Variants in MLC1 observed in about 807,000 individuals in gnomAD.
MLC1 encodes membrane protein MLC1.
A neutral mutation model predicts 44.7 loss-of-function variants in MLC1; 32 were observed. The ratio of observed to expected loss-of-function variants is 0.72; its 90% CI spans 0.54 to 0.96. The LOEUF is 0.96. MLC1 is among the 40% of genes least tolerant of loss of function. The pLI is 0.00. For missense variants in MLC1, 459 were observed against 492.2 expected (o/e 0.93, Z 0.64); for synonymous variants, 190 against 213.0 (o/e 0.89, Z 0.94).
chr22:50,078,765 A>G (rs947251106), intron 5 of MLC1, among the ~76,000 whole-genome samples: 1 of 151,910 alleles, frequency 6.6e-6, no homozygotes, highest in East Asian at 1.9e-4. Flanking sequence ...CAGATCAAAA[A>G]GACAAAAGCA....
At position 50,068,569 on chromosome 22, in the gene MLC1, G is replaced by A. The variant is rs370441362; in HGVS notation, c.772-14C>T. The A allele has an allele frequency of 2.2e-4, 362 of 1,612,530 alleles. No individual in the cohort carries two copies. The African/African-American group carries it at 3.3e-3, about 15-fold the overall frequency. ...CAGGACCTCCACCTGGAAAAAAAGC[G>A]CGGGTTGCAGGACCACGGCCGGAGC... is the stretch of plus-strand genomic sequence containing the variant. On this transcript the variant is annotated splice_polypyrimidine_tract_variant and intron_variant, in intron 9 of 11. Transcript: ENST00000311597.
intron 5 of MLC1, 123 bp from the exon 6 acceptor site, chr22:50,077,625 C>T (rs886488230): frequency 2.6e-6 from 2 of 778,176 alleles, no homozygotes; most frequent in Non-Finnish European, 4.4e-6. Flanking sequence ...CCCCACTTTT[C>T]CCATCCAGGG....
chr22:50,063,653 G>T (rs972143729), intron 11 of MLC1, among the ~76,000 whole-genome samples: 1 of 125,280 alleles, frequency 8.0e-6, no homozygotes, highest in Admixed American at 7.8e-5. Context: ...GGGTGCTCCT[G>T]TGGGCCACTC....
chr22:50,070,249 T>C (rs1694389863), intron 9 of MLC1, among the ~76,000 whole-genome samples: 1 of 152,168 alleles, frequency 6.6e-6, no homozygotes, highest in African/African-American at 2.4e-5. Flanking sequence ...GTGCAGATGA[T>C]GCTCAGACAC....
At chr22:50,081,722 C>T (rs1215776612) in intron 3 of MLC1, among the ~76,000 whole-genome samples, 1 of 152,262 alleles carries the variant, frequency 6.6e-6, no homozygotes, top group Non-Finnish European at 1.5e-5. Context: ...AGGGCCAGGA[C>T]AGCCAGGCTC....
At chr22:50,077,375 C>T in intron 6 of MLC1, 26 bp downstream of exon 6, 1 of 1,602,540 alleles carries the variant, frequency 6.2e-7, no homozygotes. Context: ...CACCCCCTGC[C>T]CTGCGGGGTC....
intron 8 of MLC1, among the ~76,000 whole-genome samples, chr22:50,073,310 G>A (rs958892195): frequency 6.6e-6 from 1 of 152,230 alleles, no homozygotes; most frequent in Non-Finnish European, 1.5e-5. Context: ...GGGGCTGGCC[G>A]TCAACACCGG....
rs1314729155 is a variant in MLC1, at chr22:50,083,165, G to A, written c.186C>T (p.Leu62=). ...ACAGCGAAAACCCCGAGGTCACCAG[G>A]AGGCAGCTCTGCAAGACAGCGACAG... ...WVFSVLMGSC[L]LVTSGFSLYL... The change falls in exon 3 of 12, where the codon CTC becomes CTT. Residue 62 remains leucine (L), a synonymous_variant. Transcript: ENST00000311597. This position sits in a 1 kb window ranked among gnomAD's most constrained non-coding sequence, Gnocchi z 4.6. The A allele has an allele frequency of 3.1e-6, 5 of 1,613,930 alleles. No homozygotes were observed. In the South Asian group the frequency reaches 4.4e-5, roughly 14 times the overall value.
intron 1 of MLC1, 27 bp from the exon 2 acceptor site, chr22:50,084,988 G>A (rs11568171): frequency 0.095 from 148,930 of 1,569,394 alleles, 7,644 homozygotes; most frequent in South Asian, 0.17. Flanking sequence ...ATCGGCTTTG[G>A]CCACTCTGAG....
In MLC1 at chr22:50,074,365, G is replaced by A. The variant is rs759497780; in HGVS notation, c.598-33C>T. 4.0e-5 allele frequency: 62 copies of A among 1,560,584 alleles called. 1 individual carries two copies. The South Asian group carries it at 6.7e-4, about 17-fold the overall frequency. The stretch of plus-strand genomic sequence containing the variant: ...GGACAGGACAGCATCGGCTCATAAG[G>A]AAGTGGAGACACCCCCAGATTCCCA... On this transcript the variant is annotated intron_variant, in intron 7 of 11. Transcript: ENST00000311597.
intron 4 of MLC1, 46 bp from the exon 5 acceptor site, chr22:50,080,065 G>A (rs781673046): frequency 6.9e-7 from 1 of 1,454,820 alleles, no homozygotes; most frequent in South Asian, 1.1e-5. Flanking sequence ...AATAATAAAA[G>A]AAAAAAGGTA....
At chr22:50,077,013 C>T (rs1482085050) in intron 6 of MLC1, 101 bp from the exon 7 acceptor site, 47 of 1,261,546 alleles carry the variant, frequency 3.7e-5, no homozygotes, top group Non-Finnish European at 5.2e-5. Context: ...GTCAGCCTGC[C>T]GTGTAGATGC....
rs1320717751 is a variant in MLC1, at chr22:50,060,220, A to C, written c.*1363T>G. On this transcript the variant is annotated 3_prime_UTR_variant, in exon 12 of 12. Coordinates refer to ENST00000311597, the MANE Select transcript of MLC1 (RefSeq NM_015166.4). ...AAACACCTGCTGGAAAGTAATTATC[A>C]AAGTAACAGCATTCCAGTTTCACAG... 1 of 152,404 alleles carries C rather than the reference A, an allele frequency of 6.6e-6. No individual in the cohort carries two copies. The highest frequency in any genetic ancestry group is 2.4e-5 in the African/African-American group (1 of 41,466). 9.4% of individuals were successfully genotyped at this position (152,404 alleles called of 1,614,324 possible). A position where few individuals can be genotyped will look rare whatever the true frequency, so the allele number is the denominator to read the frequency against.
chr22:50,066,856 A>C (rs1302034942), intron 10 of MLC1, among the ~76,000 whole-genome samples: 1 of 147,000 alleles, frequency 6.8e-6, no homozygotes, highest in African/African-American at 2.5e-5. Flanking sequence ...AAAAAATACC[A>C]TTTTAAAAAG....
intron 5 of MLC1, among the ~76,000 whole-genome samples, chr22:50,079,311 GCAGTGTGGGTGTTCC>G (rs890355551): frequency 6.8e-6 from 1 of 146,448 alleles, no homozygotes; most frequent in African/African-American, 2.5e-5. Flanking sequence ...AAACAAAAAG[GCAGTGTGGGTGTTCC>G]CACTGGGTCC....
In MLC1 at chr22:50,084,874, A is replaced by T. The variant is rs1397370510; in HGVS notation, c.29T>A (p.Leu10Gln). ...CAGCGTGGGCATCCGGTCATAGGCC[A>T]GCTCCTCTCTGAATGGCTCCTGGGT... MTQEPFREE[L>Q]AYDRMPTLER... Residue 10 changes from leucine to glutamine, a missense_variant, in exon 2 of 12, where the codon CTG (leucine) becomes CAG (glutamine). Leu to Gln is a moderately radical substitution (Grantham distance 113, BLOSUM62 -2). Coordinates refer to ENST00000311597, the MANE Select transcript of MLC1 (RefSeq NM_015166.4). 1 of 1,613,070 alleles carries T rather than the reference A, an allele frequency of 6.2e-7. No individual in the cohort carries two copies. The highest frequency in any genetic ancestry group is 1.1e-5 in the South Asian group (1 of 91,080).
intron 10 of MLC1, among the ~76,000 whole-genome samples, chr22:50,067,732 TCAGA>T (rs1428108696): frequency 1.9e-5 from 2 of 105,746 alleles, no homozygotes; most frequent in African/African-American, 7.0e-5. Context: ...CATCCATCCA[TCAGA>T]CAGTGACTCC....
chr22:50,066,181 A>G (rs1271476265), intron 10 of MLC1, among the ~76,000 whole-genome samples: 1 of 151,656 alleles, frequency 6.6e-6, no homozygotes, highest in Non-Finnish European at 1.5e-5. Flanking sequence ...CTGAAAAATA[A>G]AATAAGTAAA....
Position 50,080,416 on chromosome 22 carries a change from C to T in MLC1, c.268-19G>A, listed in dbSNP as rs1240242367. 6.3e-7 allele frequency: 1 copy of T among 1,595,972 alleles called. No individual in the cohort carries two copies. The highest frequency in any genetic ancestry group is 1.3e-5 in the African/African-American group (1 of 74,486). The stretch of plus-strand genomic sequence containing the variant: ...GGATGCACTGGAATGAAACCGGAAT[C>T]CCATGAGCCTGCCGCTCACCTGAGC... On this transcript the variant is annotated intron_variant, in intron 3 of 11. Transcript: ENST00000311597.
Sources: gnomAD v4.1 joint callset for allele counts (sites outside exome capture counted in the v4.1 genomes callset) on GRCh38, gnomAD v4.1.1 for gene constraint, Gnocchi (gnomAD v3.1) non-coding constraint, MANE v1.5 for transcripts, NCBI Gene and HGNC (gene_info 2026-07-23, HGNC 2026-07-21) for gene names.